ZNF462: variants seen among roughly 807,000 people sequenced by gnomAD.
ZNF462 encodes the protein zinc finger protein 462, also known as zinc finger PBX1-interacting protein.
In ZNF462, 10 loss-of-function variants were observed where a neutral mutation model predicts 201.9. The ratio of observed to expected loss-of-function variants is 0.05; its 90% confidence interval spans 0.03 to 0.08. The LOEUF (loss-of-function observed/expected upper bound fraction) is 0.08. ZNF462 is among the 10% of genes least tolerant of loss of function. ZNF462 has a pLI of 1.00. For synonymous variants in ZNF462, 1,227 were observed against 1,193.3 expected, an observed-to-expected ratio of 1.03 and a Z score of -0.58; for missense variants, 2,523 against 3,168.3, an observed-to-expected ratio of 0.80 and a Z score of 4.89.
intron 11 of ZNF462, among the ~76,000 whole-genome samples, chr9:107,007,534 C>T (rs1261705005): frequency 3.9e-5 from 6 of 152,242 alleles, no homozygotes; most frequent in Non-Finnish European, 8.8e-5. Flanking sequence ...ACATGAGTAA[C>T]TTCCAGTCAC....
At chr9:106,922,800 T>C (rs10978676) in intron 1 of ZNF462, among the ~76,000 whole-genome samples, 19,354 of 152,162 alleles carry the variant, frequency 0.13, 1,290 homozygotes, top group South Asian at 0.19. Flanking sequence ...TCAGCAAAGT[T>C]ATTAAAGTAA....
At chr9:106,916,155 G>C (rs1435814092) in intron 1 of ZNF462, among the ~76,000 whole-genome samples, 1 of 152,002 alleles carries the variant, frequency 6.6e-6, no homozygotes, top group Non-Finnish European at 1.5e-5. Context: ...CATAGTAATA[G>C]AAAACAAGGT....
intron 1 of ZNF462, among the ~76,000 whole-genome samples, chr9:106,874,938 T>C (rs1827762375): frequency 6.6e-6 from 1 of 152,216 alleles, no homozygotes; most frequent in African/African-American, 2.4e-5. Flanking sequence ...TGTTAAATGT[T>C]AGGTGATTAT....
upstream of ZNF462, among the ~76,000 whole-genome samples, chr9:106,860,747 G>A (rs1478220930): frequency 6.6e-6 from 1 of 152,186 alleles, no homozygotes; most frequent in Non-Finnish European, 1.5e-5. The surrounding 1 kb of genome is among the most constrained non-coding windows in gnomAD (Gnocchi z 7.1). Flanking sequence ...GCTTCCTCCG[G>A]TTGCCACGAG....
chr9:106,864,070 C>CTCTG (rs1827194038), intron 1 of ZNF462, among the ~76,000 whole-genome samples: 1 of 124,054 alleles, frequency 8.1e-6, no homozygotes, highest in Admixed American at 8.1e-5. Flanking sequence ...CTCTCTCTCT[C>CTCTG]TCTCTCTCTC....
chr9:106,927,376 C>A lies in ZNF462; in HGVS notation c.3464C>A (p.Ala1155Glu), dbSNP rs751174814. 6.2e-7 allele frequency: 1 copy of A among 1,614,106 alleles called. No individual in the cohort carries two copies. Among genetic ancestry groups the A allele is most frequent in the Non-Finnish European group, 8.5e-7 (1 of 1,180,002 alleles). The change falls in exon 3 of 13, where the codon GCA becomes GAA. Residue 1155 changes from alanine (A) to glutamate (E), a missense_variant. Physicochemically the swap from Ala to Glu is moderately radical, Grantham distance 107 (BLOSUM62 -1). Transcript: ENST00000277225. ...KYIRQAPPTA[A>E]MMRGVEGPQG... Reference sequence around the variant, plus strand: ...ATCAGACAGGCTCCTCCCACAGCTGCAATGATGAGAGGGGTCGAAGGGCCC... The same window carrying A: ...ATCAGACAGGCTCCTCCCACAGCTGAAATGATGAGAGGGGTCGAAGGGCCC...
Position 106,890,702 on chromosome 9 carries a change from C to A in ZNF462, c.-31+27347C>A, listed in dbSNP as rs10978666. On this transcript the variant is annotated intron_variant, in intron 1 of 12. Coordinates refer to ENST00000277225, the MANE Select transcript of ZNF462 (RefSeq NM_021224.6). The surrounding 1 kb of genome is among the most constrained non-coding windows in gnomAD (Gnocchi z 4.2). ...GATATGGAATTTTGGAGGTCATTCC[C>A]TGCCTTTGTCCTCTGCTCTAAGGCT... Among the ~76,000 whole-genome samples the A allele has an allele frequency of 2.0e-5, 3 of 152,044 alleles. No individual in the cohort carries two copies. Among genetic ancestry groups the A allele is most frequent in the African/African-American group, 4.8e-5 (2 of 41,384 alleles).
At chr9:106,892,704 GCACA>G (rs10568431) in intron 1 of ZNF462, among the ~76,000 whole-genome samples, 50 of 131,832 alleles carry the variant, frequency 3.8e-4, no homozygotes, top group Admixed American at 7.3e-4. Context: ...ACACACACAC[GCACA>G]CACACACACA....
At position 106,954,906 on chromosome 9, in the gene ZNF462, A is replaced by G. The variant is rs1831508981; in HGVS notation, c.6427+15799A>G. Among the ~76,000 whole-genome samples, 1 of 152,174 alleles carries G rather than the reference A, an allele frequency of 6.6e-6. No homozygotes were observed. The highest frequency in any genetic ancestry group is 6.6e-5 in the Admixed American group (1 of 15,266). On this transcript the variant is annotated intron_variant, in intron 7 of 12. Transcript: ENST00000277225. This position sits in a 1 kb window ranked among gnomAD's most constrained non-coding sequence, Gnocchi z 4.0. ...TTTTTTTATTCTGAACAATGAATAT[A>G]AGGCTGCTTCCTTCCTAGAGTAGAT... is the stretch of plus-strand genomic sequence containing the variant.
chr9:106,900,203 C>CATGTGT (rs1415869838), intron 1 of ZNF462, among the ~76,000 whole-genome samples: 2 of 134,652 alleles, frequency 1.5e-5, no homozygotes, highest in African/African-American at 5.5e-5. Context: ...AGTATTCCAT[C>CATGTGT]GTGTGTGTGT....
At chr9:106,969,077 G>A (rs1024699333) in intron 7 of ZNF462, among the ~76,000 whole-genome samples, 1 of 152,154 alleles carries the variant, frequency 6.6e-6, no homozygotes, top group Non-Finnish European at 1.5e-5. Context: ...CCACGTGAGC[G>A]AGAGCGAAAT....
rs1160061705 is a variant in ZNF462, at chr9:106,869,616, A to G, written c.-31+6261A>G. The stretch of plus-strand genomic sequence containing the variant: ...CTGGATGTGGACTTCTGGCAGAAAC[A>G]CAGTTAACGCTGTAAACAGTTGAAC... On this transcript the variant is annotated intron_variant, in intron 1 of 12. Transcript: ENST00000277225. 2.0e-5 allele frequency among the ~76,000 whole-genome samples: 3 copies of G among 152,238 alleles called. No individual in the cohort carries two copies. The East Asian group carries it at 5.8e-4, about 29-fold the overall frequency.
intron 9 of ZNF462, among the ~76,000 whole-genome samples, chr9:106,982,649 C>T: frequency 6.6e-6 from 1 of 152,126 alleles, no homozygotes; most frequent in Non-Finnish European, 1.5e-5. Context: ...GCAACTGATT[C>T]TTTGTATAGG....
At chr9:107,002,741 G>A (rs1829288054) in intron 10 of ZNF462, among the ~76,000 whole-genome samples, 1 of 152,190 alleles carries the variant, frequency 6.6e-6, no homozygotes, top group Admixed American at 6.5e-5. Flanking sequence ...AACACTAACA[G>A]TAATAATATT....
intron 1 of ZNF462, among the ~76,000 whole-genome samples, chr9:106,916,758 C>T (rs1415251481): frequency 6.6e-6 from 1 of 152,182 alleles, no homozygotes; most frequent in Non-Finnish European, 1.5e-5. Flanking sequence ...GAGCTGGAAT[C>T]TCATTTATCA....
At chr9:106,892,427 C>G (rs983723373) in intron 1 of ZNF462, among the ~76,000 whole-genome samples, 2 of 152,150 alleles carry the variant, frequency 1.3e-5, no homozygotes, top group South Asian at 4.1e-4. Flanking sequence ...CCCCATGCCC[C>G]ACTCAATAAC....
intron 7 of ZNF462, among the ~76,000 whole-genome samples, chr9:106,943,598 C>G (rs564161950): frequency 1.3e-5 from 2 of 152,302 alleles, no homozygotes; most frequent in South Asian, 4.1e-4. Context: ...TAGTCCATGA[C>G]TTTCACTTCC....
At chr9:106,900,160 A>G (rs1446557001) in intron 1 of ZNF462, among the ~76,000 whole-genome samples, 4 of 151,254 alleles carry the variant, frequency 2.6e-5, no homozygotes, top group Non-Finnish European at 5.9e-5. Flanking sequence ...GTCACTGCAA[A>G]TGCTGTTAAT....
intron 1 of ZNF462, among the ~76,000 whole-genome samples, chr9:106,903,883 T>C (rs1263619421): frequency 6.6e-6 from 1 of 152,214 alleles, no homozygotes; most frequent in African/African-American, 2.4e-5. Flanking sequence ...TGTGGTTCTG[T>C]ATCTTTTAAG....
Sources: allele counts gnomAD v4.1 joint callset (sites outside exome capture counted in the v4.1 genomes callset), GRCh38; gene constraint gnomAD v4.1.1; non-coding constraint Gnocchi (gnomAD v3.1); transcripts MANE v1.5; gene names NCBI Gene and HGNC (gene_info 2026-07-23, HGNC 2026-07-21).